The following TDRD12 variants were observed in gnomAD, a reference collection of about 807,000 sequenced individuals.
The protein encoded by TDRD12 is tudor domain containing 12, also known as putative ATP-dependent RNA helicase TDRD12.
A neutral mutation model predicts 133.5 loss-of-function variants in TDRD12; 158 were observed. That is an observed-to-expected ratio of 1.18 (90% CI 1.04 to 1.35). TDRD12 has a LOEUF of 1.35. TDRD12 is among the 40% of genes most tolerant of loss of function. The pLI, the probability that TDRD12 is intolerant of heterozygous loss-of-function variation, is 0.00. For missense variants in TDRD12, 1,443 were observed against 1,321.3 expected, an observed-to-expected ratio of 1.09 and a Z score of -1.43; for synonymous variants, 460 against 477.9, an observed-to-expected ratio of 0.96 and a Z score of 0.49.
At chr19:32,781,942 G>T (rs1970778879) in intron 11 of TDRD12, among the ~76,000 whole-genome samples, 1 of 148,730 alleles carries the variant, frequency 6.7e-6, no homozygotes, top group Admixed American at 6.8e-5. Flanking sequence ...TCCTGAATTG[G>T]TTGAGTAATT....
chr19:32,759,925 G>A (rs899101152), intron 8 of TDRD12, among the ~76,000 whole-genome samples: 1 of 152,242 alleles, frequency 6.6e-6, no homozygotes, highest in Non-Finnish European at 1.5e-5. Flanking sequence ...TTGGCTCAGC[G>A]CCTGGCCTGT....
At chr19:32,819,857 G>A (rs1045371706) in intron 27 of TDRD12, among the ~76,000 whole-genome samples, 5 of 152,214 alleles carry the variant, frequency 3.3e-5, no homozygotes, top group African/African-American at 1.2e-4. Context: ...GGGAATGCTG[G>A]TGCGGTGGAC....
rs11673106 is a variant in TDRD12 at position 32,745,815 on chromosome 19, A to T, written c.441-2661A>T. On this transcript the variant is annotated intron_variant, in intron 4 of 27. Transcript: ENST00000444215. ...CTGTGTGTGTGTGTGTGTGTGTGTG[A>T]GAGAGAAGGAGAGAGACTGGCTGAT... is the stretch of plus-strand genomic sequence containing the variant. Among the ~76,000 whole-genome samples, 121 of 125,484 alleles carry T rather than the reference A, an allele frequency of 9.6e-4. 1 individual carries two copies. Among genetic ancestry groups the T allele is most frequent in the East Asian group, 2.0e-3 (8 of 4,032 alleles). The allele number at this position is 125,484 out of a possible 152,430, so 82.3% of individuals were successfully genotyped here. A position where few individuals can be genotyped will look rare whatever the true frequency, so the allele number is the denominator to read the frequency against.
At chr19:32,743,755 G>A (rs183106145) in intron 4 of TDRD12, among the ~76,000 whole-genome samples, 34 of 152,168 alleles carry the variant, frequency 2.2e-4, no homozygotes, top group South Asian at 2.1e-4. Context: ...GAGGCCAGGC[G>A]CGGTGGCTTA....
At chr19:32,807,788 G>C in intron 22 of TDRD12, 140 bp downstream of exon 22, 1 of 485,064 alleles carries the variant, frequency 2.1e-6, no homozygotes, top group Non-Finnish European at 3.5e-6. Flanking sequence ...AGTGCAACCA[G>C]AGGCACGTGT....
chr19:32,800,236 A>G, exon 17 of TDRD12: 1 of 1,534,624 alleles, frequency 6.5e-7, no homozygotes, highest in Non-Finnish European at 8.7e-7. Context: ...ACCACATCAG[A>G]TTGTTGCAGT....
chr19:32,728,841 G>T (rs2145424548), intron 1 of TDRD12, among the ~76,000 whole-genome samples: 1 of 144,728 alleles, frequency 6.9e-6, no homozygotes, highest in East Asian at 2.0e-4. Context: ...TACAGATGGG[G>T]TTTCACCATG....
rs952502810 is a variant in TDRD12 at position 32,806,585 on chromosome 19, G to A, written c.2553-964G>A. 3.3e-5 allele frequency among the ~76,000 whole-genome samples: 5 copies of A among 151,776 alleles called. No homozygotes were observed. In the East Asian group the frequency reaches 9.8e-4, roughly 30 times the overall value. On this transcript the variant is annotated intron_variant, in intron 21 of 27. Coordinates refer to ENST00000444215, the Ensembl canonical transcript of TDRD12. ...TCAAACCCCTCACCTCAAGTGATCC[G>A]CCCTCCTCAGCCTCCCACAGTGCTG...
At chr19:32,802,175 CAT>C (rs980463330) in intron 19 of TDRD12, among the ~76,000 whole-genome samples, 22 of 138,214 alleles carry the variant, frequency 1.6e-4, no homozygotes, top group Admixed American at 3.6e-4. Context: ...TAATATATAT[CAT>C]ATATATGATA....
chr19:32,720,137 T>TGGGG, intron 1 of TDRD12, 41 bp downstream of exon 1: 1 of 1,520,008 alleles, frequency 6.6e-7, no homozygotes, highest in Non-Finnish European at 8.8e-7. Context: ...ACCCACGCAG[T>TGGGG]CCCCCACCCC....
intron 23 of TDRD12, among the ~76,000 whole-genome samples, chr19:32,810,897 A>AAAAC (rs897085630): frequency 6.6e-5 from 10 of 152,248 alleles, no homozygotes; most frequent in Non-Finnish European, 1.2e-4. Context: ...GTCTCTACAA[A>AAAAC]AAACAAACAA....
intron 11 of TDRD12, 119 bp from the exon 12 acceptor site, chr19:32,790,412 A>G (rs1408198273): frequency 2.0e-6 from 2 of 982,104 alleles, no homozygotes; most frequent in Non-Finnish European, 3.0e-6. Context: ...CAGCAGTTGT[A>G]CAGCTGAGCC....
At chr19:32,741,288 G>T (rs1021761008) in intron 3 of TDRD12, among the ~76,000 whole-genome samples, 8 of 152,136 alleles carry the variant, frequency 5.3e-5, no homozygotes, top group African/African-American at 1.7e-4. Context: ...TGCCATGTTG[G>T]CCAGGCTGGT....
chr19:32,755,572 G>A (rs912397425), intron 6 of TDRD12, among the ~76,000 whole-genome samples: 1 of 152,120 alleles, frequency 6.6e-6, no homozygotes, highest in African/African-American at 2.4e-5. Context: ...ATATATTCTG[G>A]ATACATGTCA....
intron 24 of TDRD12, among the ~76,000 whole-genome samples, chr19:32,812,512 T>A (rs1040886384): frequency 6.6e-6 from 1 of 152,242 alleles, no homozygotes; most frequent in Non-Finnish European, 1.5e-5. Flanking sequence ...ATACACAACC[T>A]TACTCTTCTA....
chr19:32,771,388 G>T (rs1970439236), intron 8 of TDRD12, among the ~76,000 whole-genome samples: 1 of 152,144 alleles, frequency 6.6e-6, no homozygotes, highest in African/African-American at 2.4e-5. Context: ...TTGAACTCCT[G>T]ACCTCAAGTG....
At position 32,783,682 on chromosome 19, in the gene TDRD12, C is replaced by T. The variant is rs60999593; in HGVS notation, c.1121+6453C>T. Among the ~76,000 whole-genome samples, 384 of 152,258 alleles carry T rather than the reference C, an allele frequency of 2.5e-3. 2 individuals are homozygous for T. The highest frequency in any genetic ancestry group is 9.1e-3 in the African/African-American group (378 of 41,544). On this transcript the variant is annotated intron_variant, in intron 11 of 27. Transcript: ENST00000444215. ...TTCTCCTTGAAGAGGTCCTTCACATCCCTTGTAAGTTGTATTCCTAGGTAT... is the reference window on the plus strand; with the variant it reads ...TTCTCCTTGAAGAGGTCCTTCACATTCCTTGTAAGTTGTATTCCTAGGTAT...
At position 32,772,209 on chromosome 19, in the gene TDRD12, C is replaced by T. The variant is rs142515556; in HGVS notation, c.866-544C>T. 1.3e-3 allele frequency among the ~76,000 whole-genome samples: 204 copies of T among 152,276 alleles called. 1 individual carries two copies. The highest frequency in any genetic ancestry group is 4.7e-3 in the African/African-American group (197 of 41,548). On this transcript the variant is annotated intron_variant, in intron 8 of 27. Transcript: ENST00000444215. The stretch of plus-strand genomic sequence containing the variant: ...TGGGACCTCAGCTGGGACTCTTGTC[C>T]GAAATGTCCTGGTATCCTTTCCATG...
chr19:32,777,547 T>C (rs1970617433), intron 11 of TDRD12, among the ~76,000 whole-genome samples: 1 of 152,006 alleles, frequency 6.6e-6, no homozygotes, highest in South Asian at 2.1e-4. Flanking sequence ...GTTCTTTGGG[T>C]TGGTCTTTGC....
Sources: gnomAD v4.1 joint callset for allele counts (sites outside exome capture counted in the v4.1 genomes callset) on GRCh38, gnomAD v4.1.1 for gene constraint, MANE v1.5 for transcripts, NCBI Gene and HGNC (gene_info 2026-07-23, HGNC 2026-07-21) for gene names.